NPAP1: variants seen among roughly 807,000 people sequenced by gnomAD.
NPAP1 encodes nuclear pore associated protein 1, also known as nuclear pore-associated protein 1.
For missense variants in NPAP1, 1,483 were observed against 1,454.5 expected (o/e 1.02, Z -0.32); for synonymous variants, 616 against 581.4 (o/e 1.06, Z -0.86).
Position 24,676,658 on chromosome 15 carries a change from A to T in NPAP1, c.791A>T (p.Glu264Val), listed in dbSNP as rs2141308490. Residue 264 changes from glutamate (E) to valine (V), a missense_variant, in exon 1 of 1, where the codon GAG (glutamate) becomes GTG (valine). Physicochemically the swap from Glu to Val is moderately radical, Grantham distance 121 (BLOSUM62 -2). Transcript: ENST00000329468. ...KPDPDATAPP[E>V]PAVGCSLLQQ... ...GATCCGGATGCAACAGCGCCCCCTGAGCCAGCCGTTGGCTGCTCCCTGCTG... is the reference window on the plus strand; with the variant it reads ...GATCCGGATGCAACAGCGCCCCCTGTGCCAGCCGTTGGCTGCTCCCTGCTG... 1 of 1,613,914 alleles carries T rather than the reference A, an allele frequency of 6.2e-7. No individual in the cohort carries two copies. The highest frequency in any genetic ancestry group is 1.6e-4 in the Middle Eastern group (1 of 6,062).
Position 24,682,387 on chromosome 15 carries a change from G to A in NPAP1, c.*3049G>A, listed in dbSNP as rs771768521. The A allele has an allele frequency of 2.4e-5, 4 of 166,474 alleles. No individual in the cohort carries two copies. Among genetic ancestry groups the A allele is most frequent in the Non-Finnish European group, 5.9e-5 (4 of 68,112 alleles). The allele number at this position is 166,474 out of a possible 1,614,324, so 10.3% of individuals were successfully genotyped here. ...TCATACTTCTTGACATTTTTTAAAA[G>A]GCTTCAAGCTAAATATTATGATCCT... On this transcript the variant is annotated 3_prime_UTR_variant, in exon 1 of 1. Transcript: ENST00000329468.
rs1346116594 is a variant in NPAP1 at position 24,679,467 on chromosome 15, C to T, written c.*129C>T. 2.3e-5 allele frequency: 16 copies of T among 709,718 alleles called. No homozygotes were observed. Among genetic ancestry groups the T allele is most frequent in the South Asian group, 1.1e-4 (6 of 54,120 alleles). 44.0% of individuals were successfully genotyped at this position (709,718 alleles called of 1,614,324 possible). ...ACCTGCCATGTACCTCTCCAGAACT[C>T]AGGTTGTGCACCAGGAGGGGACAAC... On this transcript the variant is annotated 3_prime_UTR_variant, in exon 1 of 1. Transcript: ENST00000329468.
rs957893970 is a variant in NPAP1 at position 24,681,785 on chromosome 15, G to A, written c.*2447G>A. 6.1e-6 allele frequency: 1 copy of A among 164,810 alleles called. No homozygotes were observed. Among genetic ancestry groups the A allele is most frequent in the Non-Finnish European group, 1.5e-5 (1 of 67,548 alleles). 10.2% of individuals were successfully genotyped at this position (164,810 alleles called of 1,614,324 possible). ...GACTAATAAAGATAGATAGATGATA[G>A]ATAGATACATAGATAGATGATAGAG... On this transcript the variant is annotated 3_prime_UTR_variant, in exon 1 of 1. Coordinates refer to ENST00000329468, the MANE Select transcript of NPAP1 (RefSeq NM_018958.3).
In NPAP1 at chr15:24,677,056, C is replaced by G. The variant is rs559567419; in HGVS notation, c.1189C>G (p.Pro397Ala). The G allele has an allele frequency of 1.4e-5, 23 of 1,614,014 alleles. No homozygotes were observed. The highest frequency in any genetic ancestry group is 3.3e-5 in the Admixed American group (2 of 60,026). ...ETMTNSSITQPAPSFSQPVQT... is the reference protein window; with the variant it reads ...ETMTNSSITQAAPSFSQPVQT... Reference sequence around the variant, plus strand: ...CATGACAAACAGCAGCATCACCCAGCCTGCCCCTTCTTTCTCCCAACCTGT... The same window carrying G: ...CATGACAAACAGCAGCATCACCCAGGCTGCCCCTTCTTTCTCCCAACCTGT... Residue 397 changes from proline to alanine, a missense_variant, in exon 1 of 1, where the codon CCT becomes GCT. By Grantham distance (27) the Pro-to-Ala change is conservative. Coordinates refer to ENST00000329468, the MANE Select transcript of NPAP1 (RefSeq NM_018958.3).
Position 24,675,856 on chromosome 15 carries a change from G to A in NPAP1, c.-12G>A, listed in dbSNP as rs183768810. 1,514 of 1,521,780 alleles carry A rather than the reference G, an allele frequency of 9.9e-4. 2 individuals carry two copies. The highest frequency in any genetic ancestry group is 1.3e-3 in the Middle Eastern group (7 of 5,272). 94.3% of individuals were successfully genotyped at this position (1,521,780 alleles called of 1,614,324 possible). Reference sequence around the variant, plus strand: ...GACCCTGTTTTACGGTAGGAGGCACGGCTAGCTCTAAATGGGCAATTTACT... The same window carrying A: ...GACCCTGTTTTACGGTAGGAGGCACAGCTAGCTCTAAATGGGCAATTTACT... On this transcript the variant is annotated 5_prime_UTR_variant, in exon 1 of 1. Transcript: ENST00000329468.
Position 24,678,956 on chromosome 15 carries a change from G to T in NPAP1, c.3089G>T (p.Ser1030Ile). 6.2e-7 allele frequency: 1 copy of T among 1,614,182 alleles called. No individual in the cohort carries two copies. Among genetic ancestry groups the T allele is most frequent in the Non-Finnish European group, 8.5e-7 (1 of 1,180,036 alleles). ...TTCAGCATGTCTGCCCCAGGCCCCA[G>T]TTCCACATCAGGAGAACTCAACATT... ...IGFSMSAPGPSSTSGELNIGQ... is the reference protein window; with the variant it reads ...IGFSMSAPGPISTSGELNIGQ... The change falls in exon 1 of 1, where the codon AGT (serine) becomes ATT (isoleucine). Residue 1030 changes from serine to isoleucine, a missense_variant. Coordinates refer to ENST00000329468, the MANE Select transcript of NPAP1 (RefSeq NM_018958.3).
In NPAP1 at chr15:24,678,803, C is replaced by T. The variant is rs374840275; in HGVS notation, c.2936C>T (p.Thr979Ile). 1.4e-5 allele frequency: 22 copies of T among 1,614,236 alleles called. No homozygotes were observed. The highest frequency in any genetic ancestry group is 1.7e-5 in the Non-Finnish European group (20 of 1,180,056). The change falls in exon 1 of 1, where the codon ACT becomes ATT. Residue 979 changes from threonine (T) to isoleucine (I), a missense_variant. By Grantham distance (89) the Thr-to-Ile change is moderately conservative (BLOSUM62 -1). Coordinates refer to ENST00000329468, the MANE Select transcript of NPAP1 (RefSeq NM_018958.3). The stretch of plus-strand genomic sequence containing the variant: ...GCTTTCCCCAATGGCACAGCAAAGA[C>T]TTCTGGATTTAGAATTGCCACTGGG... ...ASAFPNGTAK[T>I]SGFRIATGMP...
Position 24,678,546 on chromosome 15 carries a change from A to G in NPAP1, c.2679A>G (p.Thr893=), listed in dbSNP as rs759342370. 7.4e-6 allele frequency: 12 copies of G among 1,614,036 alleles called. No homozygotes were observed. The highest frequency in any genetic ancestry group is 9.3e-6 in the Non-Finnish European group (11 of 1,180,024). Residue 893 remains threonine, a synonymous_variant, in exon 1 of 1, where the codon ACA becomes ACG. Coordinates refer to ENST00000329468, the MANE Select transcript of NPAP1 (RefSeq NM_018958.3). The part of the protein sequence containing the change: ...PTTTSSHPLN[T]GSISHSTLGA... ...CAACTTCCAGCCATCCTTTAAATAC[A>G]GGATCCATCTCTCATTCCACACTTG...
At position 24,679,033 on chromosome 15, in the gene NPAP1, C is replaced by A. The variant is rs2141313972; in HGVS notation, c.3166C>A (p.Gln1056Lys). The change falls in exon 1 of 1, where the codon CAG (glutamine) becomes AAG (lysine). Residue 1056 changes from glutamine to lysine, a missense_variant. Coordinates refer to ENST00000329468, the MANE Select transcript of NPAP1 (RefSeq NM_018958.3). ...CACCACTTCTGTTTTCCCATTTGGTCAGGCAGCCTGGGACCCAACTGGCCA... is the reference window on the plus strand; with the variant it reads ...CACCACTTCTGTTTTCCCATTTGGTAAGGCAGCCTGGGACCCAACTGGCCA... ...PSTTSVFPFG[Q>K]AAWDPTGHSM... 11 of 1,614,186 alleles carry A rather than the reference C, an allele frequency of 6.8e-6. No homozygotes were observed. The highest frequency in any genetic ancestry group is 9.3e-6 in the Non-Finnish European group (11 of 1,180,038).
chr15:24,676,027 A>G lies in NPAP1; in HGVS notation c.160A>G (p.Asn54Asp), dbSNP rs759040543. The change falls in exon 1 of 1, where the codon AAC (asparagine) becomes GAC (aspartate). Residue 54 changes from asparagine to aspartate, a missense_variant. Transcript: ENST00000329468. ...PRPFRGLFRR[N>D]ARRRPSAASI... ...CCCTTTCCGCGGCCTGTTCCGCCGG[A>G]ACGCCCGTCGCAGGCCTTCAGCAGC... 6.3e-7 allele frequency: 1 copy of G among 1,597,378 alleles called. No homozygotes were observed. The highest frequency in any genetic ancestry group is 8.5e-7 in the Non-Finnish European group (1 of 1,173,306).
rs750902724 is a variant in NPAP1 at position 24,676,266 on chromosome 15, G to T, written c.399G>T (p.Pro133=). 10 of 1,518,224 alleles carry T rather than the reference G, an allele frequency of 6.6e-6. No homozygotes were observed. In the African/African-American group the frequency reaches 1.1e-4, roughly 17 times the overall value. 94.0% of individuals were successfully genotyped at this position (1,518,224 alleles called of 1,614,324 possible). Residue 133 remains proline, a synonymous_variant, in exon 1 of 1, where the codon CCG becomes CCT. Coordinates refer to ENST00000329468, the MANE Select transcript of NPAP1 (RefSeq NM_018958.3). ...TCCTGCTGCCTTCACCACGTGAGCCGGCGGTCAAGGCCAGGAAGCCCATCC... is the reference window on the plus strand; with the variant it reads ...TCCTGCTGCCTTCACCACGTGAGCCTGCGGTCAAGGCCAGGAAGCCCATCC... ...FTLLLPSPRE[P]AVKARKPIPA... is the part of the protein sequence containing the mutation.
In NPAP1 at chr15:24,682,868, T is replaced by A. The variant is rs2141316314; in HGVS notation, c.*3530T>A. On this transcript the variant is annotated 3_prime_UTR_variant, in exon 1 of 1. Coordinates refer to ENST00000329468, the MANE Select transcript of NPAP1 (RefSeq NM_018958.3). The stretch of plus-strand genomic sequence containing the variant: ...TTGGGAGTGGTAAGACCAAAGTAAA[T>A]GTAAAAAGTAAAGTAGAGGTTCCTC... 6.0e-6 allele frequency: 1 copy of A among 167,220 alleles called. No individual in the cohort carries two copies. The highest frequency in any genetic ancestry group is 2.4e-5 in the African/African-American group (1 of 41,580). 10.4% of individuals were successfully genotyped at this position (167,220 alleles called of 1,614,324 possible).
the NPAP1 span, chr15:24,676,306 GA>G: frequency 6.6e-7 from 1 of 1,523,400 alleles, no homozygotes; most frequent in Non-Finnish European, 8.8e-7. Flanking sequence ...CACTCTCCTG[GA>G]GGAGACCGAG....
In NPAP1 at chr15:24,678,712, A is replaced by C. The variant is rs759835421; in HGVS notation, c.2845A>C (p.Thr949Pro). 3 of 1,614,076 alleles carry C rather than the reference A, an allele frequency of 1.9e-6. No homozygotes were observed. Among genetic ancestry groups the C allele is most frequent in the African/African-American group, 2.7e-5 (2 of 74,924 alleles). The change falls in exon 1 of 1, where the codon ACA (threonine) becomes CCA (proline). Residue 949 changes from threonine (T) to proline (P), a missense_variant. Thr to Pro is a conservative substitution (Grantham distance 38). Transcript: ENST00000329468. ...SIIPPGFAEL[T>P]SPYTALGTPV... is the part of the protein sequence containing the mutation. ...AATTCCACCAGGTTTTGCAGAGTTAACATCACCATATACTGCATTGGGCAC... is the reference window on the plus strand; with the variant it reads ...AATTCCACCAGGTTTTGCAGAGTTACCATCACCATATACTGCATTGGGCAC...
At position 24,682,400 on chromosome 15, in the gene NPAP1, A is replaced by C. The variant is rs981506090; in HGVS notation, c.*3062A>C. ...CATTTTTTAAAAGGCTTCAAGCTAA[A>C]TATTATGATCCTGGTAAGACAAACT... On this transcript the variant is annotated 3_prime_UTR_variant, in exon 1 of 1. Transcript: ENST00000329468. The C allele has an allele frequency of 2.4e-5, 4 of 166,660 alleles. No individual in the cohort carries two copies. The highest frequency in any genetic ancestry group is 5.9e-5 in the Non-Finnish European group (4 of 68,136). 10.3% of individuals were successfully genotyped at this position (166,660 alleles called of 1,614,324 possible).
At position 24,677,145 on chromosome 15, in the gene NPAP1, C is replaced by G. The variant is rs1306790997; in HGVS notation, c.1278C>G (p.Ile426Met). 6.2e-7 allele frequency: 1 copy of G among 1,614,128 alleles called. No individual in the cohort carries two copies. Among genetic ancestry groups the G allele is most frequent in the Non-Finnish European group, 8.5e-7 (1 of 1,180,028 alleles). ...CCCAGGTCTCAGCTCCTTTGCCCAT[C>G]CCTGACTTGGCTGACCTGGCTACTG... Reference protein sequence around the residue: ...YTSQVSAPLPIPDLADLATGP... With the variant: ...YTSQVSAPLPMPDLADLATGP... Residue 426 changes from isoleucine to methionine, a missense_variant, in exon 1 of 1, where the codon ATC becomes ATG. Ile to Met is a conservative substitution (Grantham distance 10, BLOSUM62 1). Transcript: ENST00000329468.
chr15:24,677,459 CTCT>C lies in NPAP1; in HGVS notation c.1598_1600del (p.Leu533del), dbSNP rs1182629129. 2.5e-6 allele frequency: 4 copies of C among 1,614,046 alleles called. No homozygotes were observed. The highest frequency in any genetic ancestry group is 1.3e-5 in the African/African-American group (1 of 74,918). ...TCCCCTCCTCCTCTTTCCTTCCTGA[CTCT>C]TCTTCCAGTCCCTTCCACCGGGACC... On this transcript the variant is annotated inframe_deletion, in exon 1 of 1. Coordinates refer to ENST00000329468, the MANE Select transcript of NPAP1 (RefSeq NM_018958.3).
Position 24,677,082 on chromosome 15 carries a change from G to A in NPAP1, c.1215G>A (p.Val405=). 6.2e-7 allele frequency: 1 copy of A among 1,614,024 alleles called. No individual in the cohort carries two copies. ...CTGCCCCTTCTTTCTCCCAACCTGT[G>A]CAGACCACAGACTCCCTGCCCCTGA... The part of the protein sequence containing the change: ...TQPAPSFSQP[V]QTTDSLPLTT... The change falls in exon 1 of 1, where the codon GTG becomes GTA. Residue 405 remains valine, a synonymous_variant. Transcript: ENST00000329468.
In NPAP1 at chr15:24,677,496, C is replaced by G. The variant is rs866046492; in HGVS notation, c.1629C>G (p.Ile543Met). 14 of 1,614,044 alleles carry G rather than the reference C, an allele frequency of 8.7e-6. No individual in the cohort carries two copies. The highest frequency in any genetic ancestry group is 1.2e-5 in the Non-Finnish European group (14 of 1,180,042). The change falls in exon 1 of 1, where the codon ATC (isoleucine) becomes ATG (methionine). Residue 543 changes from isoleucine to methionine, a missense_variant. Physicochemically the swap from Ile to Met is conservative, Grantham distance 10. Transcript: ENST00000329468. ...TCCCTTCCACCGGGACCTCAGTTAT[C>G]ACCAGCAAGCCTATGAATTCCACGT... Reference protein sequence around the residue: ...LPVPSTGTSVITSKPMNSTSV... With the variant: ...LPVPSTGTSVMTSKPMNSTSV...
Sources: allele counts gnomAD v4.1 joint callset, GRCh38; gene constraint gnomAD v4.1.1; transcripts MANE v1.5; gene names NCBI Gene and HGNC (gene_info 2026-07-23, HGNC 2026-07-21).